RIN3: variants seen among roughly 807,000 people sequenced by gnomAD.
The protein encoded by RIN3 is Ras and Rab interactor 3.
Under a neutral mutation model 76.3 loss-of-function variants are expected in RIN3, and 54 were observed. That is an observed-to-expected ratio of 0.71 (90% confidence interval 0.57 to 0.89). The LOEUF (loss-of-function observed/expected upper bound fraction) is 0.89, where lower values mean the gene tolerates loss of function less well. Among genes scored for constraint, RIN3 ranks in the 40% least tolerant of loss-of-function variants. The probability of loss-of-function intolerance (pLI) is 0.00; values close to 1 mark genes in which losing one functional copy is unlikely to be tolerated. For missense variants in RIN3, 1,256 were observed against 1,322.1 expected (o/e 0.95, Z 0.78); for synonymous variants, 576 against 564.0 (o/e 1.02, Z -0.30).
At chr14:92,625,207 G>T (rs1305324259) in intron 4 of RIN3, among the ~76,000 whole-genome samples, 1 of 152,198 alleles carries the variant, frequency 6.6e-6, no homozygotes, top group South Asian at 2.1e-4. Flanking sequence ...TGTTTGAGGG[G>T]CAGTTCGGAT....
At chr14:92,627,129 C>T (rs968563172) in intron 4 of RIN3, among the ~76,000 whole-genome samples, 1 of 152,154 alleles carries the variant, frequency 6.6e-6, no homozygotes, top group African/African-American at 2.4e-5. Flanking sequence ...TCTGACTATC[C>T]CCGTCCTTAC....
At chr14:92,611,394 GC>G (rs900019536) in intron 3 of RIN3, among the ~76,000 whole-genome samples, 8 of 152,228 alleles carry the variant, frequency 5.3e-5, no homozygotes, top group Admixed American at 1.3e-4. Context: ...TCATGCCTCA[GC>G]CCCCCGAGGC....
At chr14:92,582,913 C>T (rs1884609352) in intron 3 of RIN3, among the ~76,000 whole-genome samples, 1 of 152,152 alleles carries the variant, frequency 6.6e-6, no homozygotes. Context: ...GTTTGATGCC[C>T]TCCTCCTTGA....
intron 4 of RIN3, among the ~76,000 whole-genome samples, chr14:92,622,825 G>A (rs984749860): frequency 3.9e-5 from 6 of 152,170 alleles, no homozygotes; most frequent in Non-Finnish European, 8.8e-5. Flanking sequence ...AAAGAACCAG[G>A]CACAGAAACT....
chr14:92,540,235 A>G (rs1897101623), intron 1 of RIN3, among the ~76,000 whole-genome samples: 1 of 152,112 alleles, frequency 6.6e-6, no homozygotes, highest in Non-Finnish European at 1.5e-5. Context: ...ACCTGCCTAA[A>G]CTGACTTCCC....
Position 92,652,433 on chromosome 14 carries a change from A to G in RIN3, c.1384A>G (p.Arg462Gly), listed in dbSNP as rs755089502. ...CAAACAACCCCCAGTCCCGCCCCCC[A>G]GGAAAAAACGGATCTCTCGACAACT... ...TAKQPPVPPP[R>G]KKRISRQLAS... Residue 462 changes from arginine to glycine, a missense_variant, in exon 6 of 10, where the codon AGG (arginine) becomes GGG (glycine). By Grantham distance (125) the Arg-to-Gly change is moderately radical. This residue lies in a region of RIN3 where 610 missense variants were observed against 626.4 expected (regional missense o/e 0.97). Transcript: ENST00000216487. The surrounding 1 kb of genome is among the most constrained non-coding windows in gnomAD (Gnocchi z 6.4). The G allele has an allele frequency of 3.1e-6, 5 of 1,611,546 alleles. No individual in the cohort carries two copies. The Admixed American group carries it at 8.3e-5, about 27-fold the overall frequency.
Position 92,555,483 on chromosome 14 carries a change from C to T in RIN3, c.45-268C>T, listed in dbSNP as rs1235480868. 2.6e-5 allele frequency among the ~76,000 whole-genome samples: 4 copies of T among 152,168 alleles called. No homozygotes were observed. In the East Asian group the frequency reaches 7.7e-4, roughly 29 times the overall value. Reference sequence around the variant, plus strand: ...CCAAGACCCTCACATTTGCCTACCCCATCCCAACACACACAGGCTGGTTTT... The same window carrying T: ...CCAAGACCCTCACATTTGCCTACCCTATCCCAACACACACAGGCTGGTTTT... On this transcript the variant is annotated intron_variant, in intron 1 of 9. Coordinates refer to ENST00000216487, the MANE Select transcript of RIN3 (RefSeq NM_024832.5).
intron 7 of RIN3, among the ~76,000 whole-genome samples, chr14:92,666,843 T>C (rs1888122922): frequency 6.6e-6 from 1 of 152,168 alleles, no homozygotes; most frequent in Non-Finnish European, 1.5e-5. Context: ...AGGGTACTGA[T>C]GGCCAGAGGC....
chr14:92,563,910 A>AACACAC (rs368166664), intron 2 of RIN3, among the ~76,000 whole-genome samples: 1 of 152,014 alleles, frequency 6.6e-6, no homozygotes, highest in South Asian at 2.1e-4. Flanking sequence ...TACACACACA[A>AACACAC]ACACACACAC....
chr14:92,615,712 G>A (rs563423855), intron 4 of RIN3: 10 of 530,662 alleles, frequency 1.9e-5, no homozygotes, highest in Middle Eastern at 5.0e-4. Context: ...TCTGGCTCAC[G>A]GCCTGTCTCT....
At chr14:92,615,711 C>T (rs148610688) in intron 4 of RIN3, 116 of 528,346 alleles carry the variant, frequency 2.2e-4, no homozygotes, top group African/African-American at 1.4e-3. Context: ...CTCTGGCTCA[C>T]GGCCTGTCTC....
intron 1 of RIN3, among the ~76,000 whole-genome samples, chr14:92,523,523 G>C (rs566520544): frequency 6.6e-6 from 1 of 152,218 alleles, no homozygotes; most frequent in African/African-American, 2.4e-5. Flanking sequence ...TTATATGCCC[G>C]AAGTACTCAG....
chr14:92,597,299 T>C (rs957081887), intron 3 of RIN3, among the ~76,000 whole-genome samples: 1 of 152,226 alleles, frequency 6.6e-6, no homozygotes, highest in African/African-American at 2.4e-5. Context: ...AGAAATCAGA[T>C]GCATAATGTG....
At chr14:92,543,618 CTTTTTTTT>C (rs3033757) in intron 1 of RIN3, among the ~76,000 whole-genome samples, 6 of 84,886 alleles carry the variant, frequency 7.1e-5, no homozygotes, top group African/African-American at 2.6e-4. Flanking sequence ...AAGGCTTTTG[CTTTTTTTT>C]TTTTTTTTTT....
Position 92,513,905 on chromosome 14 carries a change from C to A in RIN3, c.-28C>A, listed in dbSNP as rs1189076102. 10 of 1,254,388 alleles carry A rather than the reference C, an allele frequency of 8.0e-6. No homozygotes were observed. Among genetic ancestry groups the A allele is most frequent in the Non-Finnish European group, 1.0e-5 (10 of 999,408 alleles). 77.7% of individuals were successfully genotyped at this position (1,254,388 alleles called of 1,614,324 possible). ...GCGCGGCCCGGCGCCTGAGCGCCTC[C>A]GTTCCCCGTCCCGGAGCTGCCGGCG... On this transcript the variant is annotated 5_prime_UTR_variant, in exon 1 of 10. Transcript: ENST00000216487.
chr14:92,545,727 A>G (rs893775302), intron 1 of RIN3, among the ~76,000 whole-genome samples: 3 of 151,716 alleles, frequency 2.0e-5, no homozygotes, highest in Admixed American at 1.3e-4. Context: ...GACTACAGGC[A>G]TGCAGCACCA....
intron 1 of RIN3, among the ~76,000 whole-genome samples, chr14:92,535,761 G>A (rs564899574): frequency 4.8e-4 from 70 of 144,462 alleles, no homozygotes; most frequent in Middle Eastern, 7.7e-3. Context: ...TGCAACCTCC[G>A]TCTCCCGGGT....
intron 1 of RIN3, among the ~76,000 whole-genome samples, chr14:92,518,789 CTGTGTGTGTGTGTGTGTG>C (rs61124300): frequency 2.3e-5 from 3 of 128,418 alleles, no homozygotes; most frequent in African/African-American, 6.1e-5. Flanking sequence ...TAAGGGTGGC[CTGTGTGTGTGTGTGTGTG>C]TGTGTGTGTG....
At position 92,641,162 on chromosome 14, in the gene RIN3, AG is replaced by A. The variant is rs753836500; in HGVS notation, c.441-73del. ...ACCCTGGCAGCCAGCAGAGATTGCC[AG>A]GGCTCTTCCTTTGTGGAGGCTGGGA... On this transcript the variant is annotated intron_variant, in intron 4 of 9. Transcript: ENST00000216487. 9.5e-6 allele frequency: 11 copies of A among 1,154,222 alleles called. No homozygotes were observed. The East Asian group carries it at 1.4e-4, about 15-fold the overall frequency. 71.5% of individuals were successfully genotyped at this position (1,154,222 alleles called of 1,614,324 possible).
Sources: allele counts gnomAD v4.1 joint callset (sites outside exome capture counted in the v4.1 genomes callset), GRCh38; gene constraint gnomAD v4.1.1; regional missense constraint gnomAD v4.1.1; non-coding constraint Gnocchi (gnomAD v3.1); transcripts MANE v1.5; gene names NCBI Gene and HGNC (gene_info 2026-07-23, HGNC 2026-07-21).